Variants in KMT2C observed in about 807,000 individuals in gnomAD.
KMT2C encodes the protein lysine methyltransferase 2C, also known as histone-lysine N-methyltransferase 2C.
Under a neutral mutation model 507.9 loss-of-function variants are expected in KMT2C, and 88 were observed. The ratio of observed to expected loss-of-function variants is 0.17; its 90% confidence interval spans 0.15 to 0.21. The LOEUF is 0.21. Among genes scored for constraint, KMT2C ranks in the 10% least tolerant of loss-of-function variants. The pLI is 1.00. For synonymous variants in KMT2C, 2,049 were observed against 2,080.8 expected (o/e 0.98, Z 0.42); for missense variants, 4,954 against 5,957.8 (o/e 0.83, Z 5.55).
At chr7:152,218,512 T>C (rs1326897201) in intron 23 of KMT2C, among the ~76,000 whole-genome samples, 2 of 152,146 alleles carry the variant, frequency 1.3e-5, no homozygotes, top group Non-Finnish European at 2.9e-5. Flanking sequence ...ACCTCTCACC[T>C]GGACCATTGT....
At chr7:152,223,976 A>G (rs1465314905) in intron 20 of KMT2C, 39 bp downstream of exon 20, 9 of 1,397,678 alleles carry the variant, frequency 6.4e-6, no homozygotes, top group Non-Finnish European at 7.9e-6. Flanking sequence ...TACATTTCAA[A>G]GAGAAAAGCT....
chr7:152,191,006 G>A (rs1294877964), intron 31 of KMT2C, among the ~76,000 whole-genome samples: 1 of 151,992 alleles, frequency 6.6e-6, no homozygotes, highest in Non-Finnish European at 1.5e-5. Flanking sequence ...CCTTTAAAAG[G>A]AAGAAAGATA....
chr7:152,366,943 G>A (rs1192893483), intron 1 of KMT2C: 4 of 492,722 alleles, frequency 8.1e-6, no homozygotes, highest in Non-Finnish European at 1.4e-5. Flanking sequence ...GGGCACGATC[G>A]CAAGGTCGCG....
chr7:152,433,606 A>G (rs1360205270), intron 1 of KMT2C, among the ~76,000 whole-genome samples: 2 of 152,258 alleles, frequency 1.3e-5, no homozygotes, highest in Non-Finnish European at 1.5e-5. Flanking sequence ...TTTCAAATCT[A>G]AAAGAAAAAG....
At chr7:152,179,537 A>G (rs2093352571) in intron 37 of KMT2C, among the ~76,000 whole-genome samples, 1 of 152,192 alleles carries the variant, frequency 6.6e-6, no homozygotes. Flanking sequence ...CATTAGCACT[A>G]AATAGCAGAT....
In KMT2C at chr7:152,135,056, C is replaced by G. The variant is rs2089768103; in HGVS notation, c.*1776G>C. Reference sequence around the variant, plus strand: ...CAACATTAGATACTATTATACAGAACAGAAAACAACAAAAACCCGGTAGGA... The same window carrying G: ...CAACATTAGATACTATTATACAGAAGAGAAAACAACAAAAACCCGGTAGGA... On this transcript the variant is annotated 3_prime_UTR_variant, in exon 59 of 59. Transcript: ENST00000262189. 8.7e-6 allele frequency: 2 copies of G among 229,052 alleles called. No homozygotes were observed. The highest frequency in any genetic ancestry group is 2.2e-5 in the African/African-American group (1 of 45,038). The allele number at this position is 229,052 out of a possible 1,614,324, so 14.2% of individuals were successfully genotyped here.
At chr7:152,151,632 G>C in intron 49 of KMT2C, 51 bp from the exon 50 acceptor site, 2 of 1,519,578 alleles carry the variant, frequency 1.3e-6, no homozygotes, top group South Asian at 2.3e-5. Context: ...ATGACACAAG[G>C]TGGCACATGG....
intron 23 of KMT2C, among the ~76,000 whole-genome samples, chr7:152,209,156 A>G (rs1443007525): frequency 1.4e-5 from 2 of 139,774 alleles, no homozygotes. Context: ...TGAAATTCCA[A>G]CTCTCAAAAA....
chr7:152,192,164 T>A (rs1411986980), intron 31 of KMT2C, among the ~76,000 whole-genome samples: 1 of 152,210 alleles, frequency 6.6e-6, no homozygotes, highest in Non-Finnish European at 1.5e-5. Flanking sequence ...ATTTTTAAAA[T>A]ATGCACTTTC....
rs746330866 is a variant in KMT2C at position 152,180,132 on chromosome 7, T to C, written c.7150-6A>G. The C allele has an allele frequency of 4.3e-5, 70 of 1,613,682 alleles. 1 individual carries two copies. The highest frequency in any genetic ancestry group is 3.3e-4 in the Middle Eastern group (2 of 6,076). On this transcript the variant is annotated splice_polypyrimidine_tract_variant and splice_region_variant and intron_variant, in intron 36 of 58. Transcript: ENST00000262189. ...ATTTCACGTAACTTCTGCCGCTAAA[T>C]GGGAAGAAACAAAAATCACTGGGAT...
At chr7:152,253,271 T>C (rs1200782660) in intron 9 of KMT2C, among the ~76,000 whole-genome samples, 2 of 151,652 alleles carry the variant, frequency 1.3e-5, no homozygotes, top group African/African-American at 4.8e-5. Context: ...GGAAAACATA[T>C]AGGTGGAAGA....
In KMT2C at chr7:152,222,075, A is replaced by G. The variant is rs1290484714; in HGVS notation, c.3434-9T>C. On this transcript the variant is annotated splice_polypyrimidine_tract_variant and intron_variant, in intron 21 of 58. Coordinates refer to ENST00000262189, the MANE Select transcript of KMT2C (RefSeq NM_170606.3). The stretch of plus-strand genomic sequence containing the variant: ...GCAGTCTGAGGAAGGCACTGAAACG[A>G]AAAAAAAAAATCCAGGTAATTCTTT... The G allele has an allele frequency of 3.4e-6, 4 of 1,175,742 alleles. No homozygotes were observed. The highest frequency in any genetic ancestry group is 4.6e-6 in the Non-Finnish European group (4 of 870,364). 72.8% of individuals were successfully genotyped at this position (1,175,742 alleles called of 1,614,324 possible).
intron 1 of KMT2C, among the ~76,000 whole-genome samples, chr7:152,362,823 T>C (rs1454826771): frequency 6.6e-6 from 1 of 152,210 alleles, no homozygotes; most frequent in Non-Finnish European, 1.5e-5. Context: ...AAAAATAATT[T>C]TGATTTTAAT....
At chr7:152,418,897 A>G (rs947139142) in intron 1 of KMT2C, among the ~76,000 whole-genome samples, 7 of 151,652 alleles carry the variant, frequency 4.6e-5, no homozygotes, top group Non-Finnish European at 8.8e-5. Flanking sequence ...AAAAAGTTTG[A>G]AAGAGAATAG....
At chr7:152,422,259 C>G (rs1161603664) in intron 1 of KMT2C, among the ~76,000 whole-genome samples, 3 of 145,536 alleles carry the variant, frequency 2.1e-5, no homozygotes, top group Non-Finnish European at 4.5e-5. Flanking sequence ...CCAGCCTGGC[C>G]AACACGGCAA....
intron 6 of KMT2C, among the ~76,000 whole-genome samples, chr7:152,297,055 C>CAGACAGACAGACAGAGAGAG (rs1315629061): frequency 2.5e-4 from 21 of 84,404 alleles, no homozygotes; most frequent in South Asian, 4.5e-4. Context: ...GAAAGAAAGA[C>CAGACAGACAGACAGAGAGAG]AGAGAGAGAG....
intron 50 of KMT2C, 31 bp from the exon 51 acceptor site, chr7:152,151,038 T>C: frequency 1.5e-6 from 2 of 1,310,626 alleles, no homozygotes; most frequent in Non-Finnish European, 2.2e-6. Flanking sequence ...TGTGGGAATC[T>C]CAACAAGTCA....
At chr7:152,145,464 C>A (rs2091011738) in intron 53 of KMT2C, among the ~76,000 whole-genome samples, 169 bp from the exon 54 acceptor site, 1 of 152,218 alleles carries the variant, frequency 6.6e-6, no homozygotes, top group African/African-American at 2.4e-5. Context: ...GGTAGATCTA[C>A]TTAAATATGA....
chr7:152,290,274 ATATATATATATATATATATATTTTTTTTT>A (rs2096396084), intron 6 of KMT2C, among the ~76,000 whole-genome samples: 3 of 25,228 alleles, frequency 1.2e-4, no homozygotes, highest in African/African-American at 6.2e-4. Flanking sequence ...ATATATATAT[ATATATATATATATATATATATTTTTTTTT>A]TTTTTTTTTT....
Sources: allele counts gnomAD v4.1 joint callset (sites outside exome capture counted in the v4.1 genomes callset), GRCh38; gene constraint gnomAD v4.1.1; transcripts MANE v1.5; gene names NCBI Gene and HGNC (gene_info 2026-07-23, HGNC 2026-07-21).